The following LRP1B variants were observed in gnomAD, a reference collection of about 807,000 sequenced individuals.
LRP1B encodes the protein LDL receptor related protein 1B.
A neutral mutation model predicts 556.6 loss-of-function variants in LRP1B; 217 were observed. The ratio of observed to expected loss-of-function variants is 0.39; its 90% CI spans 0.35 to 0.44. The LOEUF is 0.44. LRP1B is among the 20% of genes least tolerant of loss of function. The pLI is 1.00. For missense variants in LRP1B, 5,053 were observed against 5,620.8 expected (o/e 0.90, Z 3.23); for synonymous variants, 2,047 against 1,865.8 (o/e 1.10, Z -2.50).
chr2:141,452,932 T>A (rs2105026099), intron 3 of LRP1B, among the ~76,000 whole-genome samples: 1 of 152,296 alleles, frequency 6.6e-6, no homozygotes, highest in South Asian at 2.1e-4. Context: ...TATATAAGTC[T>A]TTATTCAAAA....
At chr2:140,315,943 G>A (rs1300116014) in intron 82 of LRP1B, among the ~76,000 whole-genome samples, 1 of 152,140 alleles carries the variant, frequency 6.6e-6, no homozygotes, top group African/African-American at 2.4e-5. Context: ...ATTTCTGTGT[G>A]TAACATTTAT....
Position 140,456,528 on chromosome 2 carries a change from G to A in LRP1B, c.9890C>T (p.Thr3297Ile), listed in dbSNP as rs1687113553. The A allele has an allele frequency of 6.2e-7, 1 of 1,613,354 alleles. No individual in the cohort carries two copies. Among genetic ancestry groups the A allele is most frequent in the African/African-American group, 1.3e-5 (1 of 74,922 alleles). The change falls in exon 62 of 91, where the codon ACT (threonine) becomes ATT (isoleucine). Residue 3297 changes from threonine to isoleucine, a missense_variant. Transcript: ENST00000389484. ...LCLLAPGKTH[T>I]CACPTNFYLA... ...ATAGAAGTTAGTGGGACATGCACAA[G>A]TGTGGGTTTTTCCAGGGGCTAAAAG...
chr2:140,405,983 A>G (rs1042601899), intron 66 of LRP1B, among the ~76,000 whole-genome samples: 1 of 152,168 alleles, frequency 6.6e-6, no homozygotes. Context: ...CATCAAAAAG[A>G]TAATACATCA....
chr2:141,203,585 G>A (rs1682138620), intron 6 of LRP1B, among the ~76,000 whole-genome samples: 2 of 152,136 alleles, frequency 1.3e-5, no homozygotes, highest in East Asian at 1.9e-4. Flanking sequence ...CAATAATGGG[G>A]GGGGAGGACT....
At chr2:141,333,103 T>C (rs111806708) in intron 3 of LRP1B, among the ~76,000 whole-genome samples, 3,201 of 152,262 alleles carry the variant, frequency 0.021, 57 homozygotes, top group Non-Finnish European at 0.034. Flanking sequence ...GGTATACCCA[T>C]GAAGACTAAT....
intron 66 of LRP1B, among the ~76,000 whole-genome samples, chr2:140,430,182 T>A (rs1685858574): frequency 6.6e-6 from 1 of 152,152 alleles, no homozygotes; most frequent in Non-Finnish European, 1.5e-5. Context: ...TGCTGTAGTA[T>A]CTTCCACATC....
At chr2:141,135,993 T>C (rs755223203) in intron 7 of LRP1B, among the ~76,000 whole-genome samples, 4 of 151,966 alleles carry the variant, frequency 2.6e-5, no homozygotes, top group Non-Finnish European at 5.9e-5. Context: ...TTTTACTGCA[T>C]ACAATTTGTG....
chr2:140,361,379 T>TATATATA (rs1190166439), intron 72 of LRP1B, among the ~76,000 whole-genome samples: 2 of 130,586 alleles, frequency 1.5e-5, no homozygotes, highest in African/African-American at 2.8e-5. Context: ...TATATATATA[T>TATATATA]AACAAAAATA....
chr2:140,790,841 C>G (rs1690091074), intron 32 of LRP1B, among the ~76,000 whole-genome samples: 1 of 152,146 alleles, frequency 6.6e-6, no homozygotes, highest in South Asian at 2.1e-4. Flanking sequence ...TGGCTCACAC[C>G]TGTAATCCCA....
chr2:141,223,311 T>A (rs536318375), intron 6 of LRP1B, among the ~76,000 whole-genome samples: 21 of 152,136 alleles, frequency 1.4e-4, no homozygotes, highest in African/African-American at 4.8e-4. Context: ...ATAAAACACC[T>A]AGGAATACAG....
intron 12 of LRP1B, among the ~76,000 whole-genome samples, chr2:141,016,293 C>T (rs1386992022): frequency 2.6e-5 from 4 of 151,998 alleles, no homozygotes; most frequent in Admixed American, 6.6e-5. Context: ...AGTATATAAT[C>T]AATTATGTGA....
At chr2:141,735,171 TGTTTG>T (rs1396647352) in intron 2 of LRP1B, among the ~76,000 whole-genome samples, 1 of 146,114 alleles carries the variant, frequency 6.8e-6, no homozygotes, top group Admixed American at 6.9e-5. Flanking sequence ...TTTGTTTGTT[TGTTTG>T]AAAATGATAC....
chr2:140,501,427 T>C (rs1357126767), intron 55 of LRP1B, among the ~76,000 whole-genome samples: 1 of 152,008 alleles, frequency 6.6e-6, no homozygotes, highest in East Asian at 1.9e-4. Flanking sequence ...CTCTGATCAC[T>C]AGTCTTCCCT....
At chr2:140,865,352 A>C (rs964887767) in intron 27 of LRP1B, among the ~76,000 whole-genome samples, 7 of 151,950 alleles carry the variant, frequency 4.6e-5, no homozygotes, top group Non-Finnish European at 7.4e-5. Context: ...ATAGTACTGA[A>C]TGTCATGTAT....
Position 141,112,810 on chromosome 2 carries a change from G to A in LRP1B, c.1014-50537C>T, listed in dbSNP as rs72987137. On this transcript the variant is annotated intron_variant, in intron 7 of 90. Transcript: ENST00000389484. ...CAAATAATGAAAATCAACTGTATTT[G>A]AAAAAGGCAAATTGATTAATAATCC... Among the ~76,000 whole-genome samples, 516 of 152,202 alleles carry A rather than the reference G, an allele frequency of 3.4e-3. 1 individual carries two copies. Among genetic ancestry groups the A allele is most frequent in the African/African-American group, 0.012 (483 of 41,558 alleles).
intron 2 of LRP1B, among the ~76,000 whole-genome samples, chr2:141,556,767 C>T (rs750143298): frequency 1.3e-5 from 2 of 151,650 alleles, no homozygotes; most frequent in African/African-American, 4.8e-5. Context: ...TCATTTCTAC[C>T]CAACAGTTGA....
chr2:141,901,393 G>A (rs1011183011), intron 1 of LRP1B, among the ~76,000 whole-genome samples: 2 of 151,968 alleles, frequency 1.3e-5, no homozygotes, highest in African/African-American at 4.8e-5. Context: ...AAATTAGATG[G>A]TGTCACCTAA....
At chr2:141,074,608 T>TATG (rs1168848552) in intron 7 of LRP1B, among the ~76,000 whole-genome samples, 20 of 123,922 alleles carry the variant, frequency 1.6e-4, no homozygotes, top group Admixed American at 4.7e-4. Context: ...TATATATATG[T>TATG]TTTTTATATA....
chr2:140,954,810 G>T (rs1288393464), intron 18 of LRP1B, among the ~76,000 whole-genome samples: 1 of 151,930 alleles, frequency 6.6e-6, no homozygotes, highest in African/African-American at 2.4e-5. Context: ...ATTTTTTAAT[G>T]ATAGTTACAT....
Sources: gnomAD v4.1 joint callset for allele counts (sites outside exome capture counted in the v4.1 genomes callset) on GRCh38, gnomAD v4.1.1 for gene constraint, MANE v1.5 for transcripts, NCBI Gene and HGNC (gene_info 2026-07-23, HGNC 2026-07-21) for gene names.